Variants in NR4A3 observed in about 807,000 individuals in gnomAD.
The protein encoded by NR4A3 is chondrosarcoma, extraskeletal myxoid, fused to EWS.
A neutral mutation model predicts 55.6 loss-of-function variants in NR4A3; 13 were observed. That is an observed-to-expected ratio of 0.23 (90% CI 0.15 to 0.37). The LOEUF (loss-of-function observed/expected upper bound fraction) is 0.37. NR4A3 is among the 10% of genes least tolerant of loss of function. The probability of loss-of-function intolerance (pLI) is 1.00; values close to 1 mark genes in which losing one functional copy is unlikely to be tolerated. For synonymous variants in NR4A3, 342 were observed against 357.9 expected, an observed-to-expected ratio of 0.96 and a Z score of 0.50; for missense variants, 646 against 822.8, an observed-to-expected ratio of 0.79 and a Z score of 2.63.
At chr9:99,835,690 A>C (rs146358917) in intron 5 of NR4A3, among the ~76,000 whole-genome samples, 1 of 152,202 alleles carries the variant, frequency 6.6e-6, no homozygotes, top group East Asian at 1.9e-4. Context: ...ACATGGCCTA[A>C]TTAGTCATTC....
chr9:99,833,127 T>C (rs544003280), intron 4 of NR4A3, among the ~76,000 whole-genome samples, 155 bp from the exon 5 acceptor site: 155 of 152,364 alleles, frequency 1.0e-3, no homozygotes, highest in African/African-American at 3.6e-3. Context: ...CATGAAATCA[T>C]TGTGTGAATA....
At chr9:99,841,119 T>A (rs958352880) in intron 5 of NR4A3, among the ~76,000 whole-genome samples, 4 of 151,552 alleles carry the variant, frequency 2.6e-5, no homozygotes, top group Non-Finnish European at 5.9e-5. Flanking sequence ...TAGTCCCAGC[T>A]ACTCGGGAGG....
Position 99,856,762 on chromosome 9 carries a change from T to A in NR4A3, c.1634-6858T>A, listed in dbSNP as rs1827934244. Reference sequence around the variant, plus strand: ...TCACATCACTGGGCATCTTGTTGCATTGCAGATTCTGGTTAGGTAGGTCTG... The same window carrying A: ...TCACATCACTGGGCATCTTGTTGCAATGCAGATTCTGGTTAGGTAGGTCTG... On this transcript the variant is annotated intron_variant, in intron 7 of 7. Coordinates refer to ENST00000395097, the MANE Select transcript of NR4A3 (RefSeq NM_006981.4). Among the ~76,000 whole-genome samples, 3 of 152,174 alleles carry A rather than the reference T, an allele frequency of 2.0e-5. 1 individual carries two copies. The South Asian group carries it at 6.2e-4, about 31-fold the overall frequency.
rs1827719492 is a variant in NR4A3 at position 99,844,552 on chromosome 9, A to C, written c.1255-97A>C. 4 of 901,720 alleles carry C rather than the reference A, an allele frequency of 4.4e-6. No individual in the cohort carries two copies. The South Asian group carries it at 5.9e-5, about 13-fold the overall frequency. 55.9% of individuals were successfully genotyped at this position (901,720 alleles called of 1,614,324 possible). On this transcript the variant is annotated intron_variant, in intron 5 of 7. Transcript: ENST00000395097. ...TAAACTGTAACACCTAAAAGTAAGAATTTAGGCATTGATGGTCTTGGAAGG... is the reference window on the plus strand; with the variant it reads ...TAAACTGTAACACCTAAAAGTAAGACTTTAGGCATTGATGGTCTTGGAAGG...
chr9:99,843,949 T>C (rs1450882637), intron 5 of NR4A3, among the ~76,000 whole-genome samples: 3 of 152,120 alleles, frequency 2.0e-5, no homozygotes, highest in Non-Finnish European at 4.4e-5. Flanking sequence ...AGATGGGGTT[T>C]CACCATGTTG....
chr9:99,834,859 G>C, intron 5 of NR4A3: 1 of 984,416 alleles, frequency 1.0e-6, no homozygotes, highest in Non-Finnish European at 1.2e-6. Context: ...CTCTTATTCT[G>C]ATTATAAGTA....
chr9:99,834,783 C>T, intron 5 of NR4A3: 1 of 985,390 alleles, frequency 1.0e-6, no homozygotes, highest in Middle Eastern at 5.2e-4. Context: ...GAAGCCTCCT[C>T]TCTGCACCTG....
intron 7 of NR4A3, among the ~76,000 whole-genome samples, chr9:99,860,112 T>G (rs1302085907): frequency 6.6e-6 from 1 of 152,198 alleles, no homozygotes; most frequent in Non-Finnish European, 1.5e-5. Flanking sequence ...TTTTCACGTT[T>G]ATATTTTCTT....
chr9:99,844,901 C>T (rs886888171), intron 6 of NR4A3, 53 bp downstream of exon 6: 4 of 1,368,600 alleles, frequency 2.9e-6, no homozygotes, highest in African/African-American at 1.4e-5. Context: ...AGCCTGAAAC[C>T]TTCTGTGTTT....
intron 5 of NR4A3, 60 bp downstream of exon 5, chr9:99,833,514 AGTAAT>A: frequency 6.2e-7 from 1 of 1,613,840 alleles, no homozygotes; most frequent in Non-Finnish European, 8.5e-7. Flanking sequence ...TATGGCTACT[AGTAAT>A]AAGAGTTGAT....
chr9:99,833,307 G>A lies in NR4A3; in HGVS notation c.1107G>A (p.Gly369=). 6.2e-7 allele frequency: 1 copy of A among 1,613,428 alleles called. No homozygotes were observed. The highest frequency in any genetic ancestry group is 8.5e-7 in the Non-Finnish European group (1 of 1,179,642). ...KEVVRTDSLK[G]RRGRLPSKPK... ...TTGTCCGTACAGATAGTCTGAAAGG[G>A]AGGAGAGGTCGTCTGCCTTCCAAAC... Residue 369 remains glycine (G), a synonymous_variant, in exon 5 of 8, where the codon GGG becomes GGA. Coordinates refer to ENST00000395097, the MANE Select transcript of NR4A3 (RefSeq NM_006981.4).
intron 7 of NR4A3, among the ~76,000 whole-genome samples, chr9:99,853,418 G>A (rs537973956): frequency 9.6e-5 from 11 of 114,808 alleles, no homozygotes; most frequent in African/African-American, 1.7e-4. Context: ...ATGCTGGTGC[G>A]CTGCACCCAC....
intron 7 of NR4A3, among the ~76,000 whole-genome samples, chr9:99,855,760 G>A (rs1827918778): frequency 6.6e-6 from 1 of 152,202 alleles, no homozygotes. Context: ...CGAGTGGGGA[G>A]TCCTGTTTGT....
rs747373552 is a variant in NR4A3, at chr9:99,828,864, T to A, written c.822T>A (p.Ser274Arg). The change falls in exon 3 of 8, where the codon AGT becomes AGA. Residue 274 changes from serine to arginine, a missense_variant. Physicochemically the swap from Ser to Arg is moderately radical, Grantham distance 110. Coordinates refer to ENST00000395097, the MANE Select transcript of NR4A3 (RefSeq NM_006981.4). The surrounding 1 kb of genome is among the most constrained non-coding windows in gnomAD (Gnocchi z 7.7). The part of the protein sequence containing the change: ...SPTASSLLGE[S>R]PSLPSPPSRS... ...CCGCGTCCAGCCTGCTGGGCGAGAG[T>A]CCCAGCCTGCCGTCGCCGCCCAGCA... is the stretch of plus-strand genomic sequence containing the variant. The A allele has an allele frequency of 2.0e-6, 3 of 1,496,204 alleles. No homozygotes were observed. The highest frequency in any genetic ancestry group is 2.5e-5 in the South Asian group (2 of 80,954). 92.7% of individuals were successfully genotyped at this position (1,496,204 alleles called of 1,614,324 possible).
At chr9:99,827,978 G>A in intron 2 of NR4A3, 63 bp from the exon 3 acceptor site, 3 of 1,550,896 alleles carry the variant, frequency 1.9e-6, no homozygotes, top group Non-Finnish European at 2.6e-6. Flanking sequence ...ACCCAATGCT[G>A]CCTGTTGGCT....
chr9:99,831,375 G>T (rs1293021946), intron 3 of NR4A3, among the ~76,000 whole-genome samples: 1 of 152,152 alleles, frequency 6.6e-6, no homozygotes, highest in African/African-American at 2.4e-5. Context: ...TCAGAATTTT[G>T]CATTTTAAAC....
intron 3 of NR4A3, 56 bp from the exon 4 acceptor site, chr9:99,832,628 TGTCAG>T (rs1827466570): frequency 7.4e-7 from 1 of 1,359,584 alleles, no homozygotes. Flanking sequence ...AAATACATCT[TGTCAG>T]GTCCTACCTC....
intron 7 of NR4A3, 21 bp from the exon 8 acceptor site, chr9:99,863,598 GC>G: frequency 1.2e-6 from 2 of 1,604,564 alleles, no homozygotes; most frequent in Non-Finnish European, 1.7e-6. Context: ...TAAACTTCTT[GC>G]CCTTCTCTAT....
chr9:99,831,502 T>G (rs1490995701), intron 3 of NR4A3, among the ~76,000 whole-genome samples: 1 of 152,198 alleles, frequency 6.6e-6, no homozygotes, highest in African/African-American at 2.4e-5. Flanking sequence ...AATTAAAAGG[T>G]AACAGGGTAA....
Sources: allele counts gnomAD v4.1 joint callset (sites outside exome capture counted in the v4.1 genomes callset), GRCh38; gene constraint gnomAD v4.1.1; non-coding constraint Gnocchi (gnomAD v3.1); transcripts MANE v1.5; gene names NCBI Gene and HGNC (gene_info 2026-07-23, HGNC 2026-07-21).